WWC1: variants seen among roughly 807,000 people sequenced by gnomAD.
WWC1 encodes WW and C2 domain containing 1.
Under a neutral mutation model 138.4 loss-of-function variants are expected in WWC1, and 55 were observed. The observed-to-expected ratio is 0.40, with a 90% confidence interval of 0.32 to 0.50. WWC1 has a LOEUF of 0.50. Ranked by LOEUF, WWC1 falls within the 20% of genes least tolerant of loss-of-function variation. The probability of loss-of-function intolerance (pLI) is 0.72; values close to 1 mark genes in which losing one functional copy is unlikely to be tolerated. For missense variants in WWC1, 1,226 were observed against 1,420.4 expected (o/e 0.86, Z 2.20); for synonymous variants, 524 against 564.9 (o/e 0.93, Z 1.03).
intron 17 of WWC1, among the ~76,000 whole-genome samples, chr5:168,445,545 A>T (rs1200792219): frequency 6.6e-6 from 1 of 151,882 alleles, no homozygotes; most frequent in African/African-American, 2.4e-5. Context: ...ACTAAAAAAT[A>T]CAAAAATTAG....
intron 2 of WWC1, among the ~76,000 whole-genome samples, chr5:168,380,923 T>G (rs530778130): frequency 6.6e-6 from 1 of 152,150 alleles, no homozygotes; most frequent in South Asian, 2.1e-4. Context: ...TCCATGCATG[T>G]GAAGTTCTAA....
intron 16 of WWC1, 63 bp from the exon 17 acceptor site, chr5:168,444,431 T>C (rs1220895205): frequency 1.3e-6 from 2 of 1,488,764 alleles, no homozygotes; most frequent in East Asian, 2.5e-5. Flanking sequence ...GATGCTCTGA[T>C]TCCTGGCAGG....
chr5:168,393,499 C>G (rs1192558831), intron 3 of WWC1, among the ~76,000 whole-genome samples: 2 of 152,138 alleles, frequency 1.3e-5, no homozygotes, highest in Non-Finnish European at 2.9e-5. Flanking sequence ...TATTTCTGAC[C>G]TAGAATTCTA....
At chr5:168,464,669 G>C (rs747601797) in intron 20 of WWC1, 60 bp from the exon 21 acceptor site, 19 of 1,602,370 alleles carry the variant, frequency 1.2e-5, no homozygotes, top group Non-Finnish European at 1.4e-5. Flanking sequence ...AGAGGAAGAG[G>C]CTGGGTGGGC....
intron 6 of WWC1, among the ~76,000 whole-genome samples, chr5:168,406,890 C>T (rs945387841): frequency 2.6e-5 from 4 of 151,914 alleles, no homozygotes; most frequent in African/African-American, 7.3e-5. Context: ...TGCAGTGAGC[C>T]GAGATAGCAC....
At chr5:168,407,837 C>T (rs1425078448) in intron 6 of WWC1, among the ~76,000 whole-genome samples, 1 of 151,742 alleles carries the variant, frequency 6.6e-6, no homozygotes, top group Non-Finnish European at 1.5e-5. Context: ...AGATGATGGC[C>T]CTGTGAGATA....
rs576096126 is a variant in WWC1, at chr5:168,334,750, A to G, written c.120-36674A>G. On this transcript the variant is annotated intron_variant, in intron 1 of 22. Coordinates refer to ENST00000265293, the MANE Select transcript of WWC1 (RefSeq NM_015238.3). ...ATATTTTGGGCAACTGAATGAATCA[A>G]TGACTCTCCTGCTAAGCAGCAATGC... 7.2e-5 allele frequency among the ~76,000 whole-genome samples: 11 copies of G among 152,348 alleles called. No homozygotes were observed. The East Asian group carries it at 1.7e-3, about 24-fold the overall frequency.
chr5:168,304,845 T>TGA (rs1770406231), intron 1 of WWC1, among the ~76,000 whole-genome samples: 2 of 150,852 alleles, frequency 1.3e-5, no homozygotes, highest in Non-Finnish European at 2.9e-5. Flanking sequence ...TTTTTTTTTT[T>TGA]GAGGTGGAGT....
intron 4 of WWC1, 95 bp downstream of exon 4, chr5:168,397,895 C>T: frequency 1.5e-6 from 2 of 1,374,018 alleles, no homozygotes; most frequent in South Asian, 1.2e-5. Flanking sequence ...GATGCTCCAG[C>T]CAGGCTATGA....
At chr5:168,396,866 C>T (rs145004933) in intron 3 of WWC1, among the ~76,000 whole-genome samples, 30 of 152,096 alleles carry the variant, frequency 2.0e-4, no homozygotes, top group African/African-American at 5.8e-4. Flanking sequence ...CCTAGGAAAA[C>T]GATAATTGTA....
rs534624539 is a variant in WWC1, at chr5:168,325,382, G to A, written c.119+33111G>A. ...GTGGATGGCATCATTGTCAGTCTCT[G>A]GGAACTCTGGGTGTCCTAGGACACA... On this transcript the variant is annotated intron_variant, in intron 1 of 22. Coordinates refer to ENST00000265293, the MANE Select transcript of WWC1 (RefSeq NM_015238.3). Among the ~76,000 whole-genome samples the A allele has an allele frequency of 4.8e-4, 73 of 152,310 alleles. 1 individual carries two copies. The South Asian group carries it at 0.015, about 31-fold the overall frequency.
chr5:168,438,680 G>T (rs1179394375), intron 15 of WWC1, among the ~76,000 whole-genome samples: 1 of 152,066 alleles, frequency 6.6e-6, no homozygotes, highest in African/African-American at 2.4e-5. Context: ...TTAGGGGAAG[G>T]TGAGCTGACC....
intron 1 of WWC1, among the ~76,000 whole-genome samples, chr5:168,370,725 T>C (rs761589485): frequency 9.9e-5 from 15 of 152,204 alleles, no homozygotes; most frequent in Non-Finnish European, 2.1e-4. Context: ...GAGTGATTTG[T>C]TTATTTGATT....
At chr5:168,425,748 C>G (rs1781456646) in intron 11 of WWC1, among the ~76,000 whole-genome samples, 2 of 152,080 alleles carry the variant, frequency 1.3e-5, no homozygotes, top group Non-Finnish European at 2.9e-5. Context: ...ATCCACCCAC[C>G]TTGGCCTCCC....
rs569807309 is a variant in WWC1 at position 168,359,367 on chromosome 5, G to GT, written c.120-12051dup. On this transcript the variant is annotated intron_variant, in intron 1 of 22. Transcript: ENST00000265293. ...CCACGTCTGGCCTATACACTATAGA[G>GT]TTTTTTACCTAATATGTGTCTGAAA... Among the ~76,000 whole-genome samples, 31 of 152,276 alleles carry GT rather than the reference G, an allele frequency of 2.0e-4. No individual in the cohort carries two copies. In the South Asian group the frequency reaches 5.8e-3, roughly 28 times the overall value.
At chr5:168,330,486 G>A (rs906833615) in intron 1 of WWC1, among the ~76,000 whole-genome samples, 1 of 152,142 alleles carries the variant, frequency 6.6e-6, no homozygotes, top group African/African-American at 2.4e-5. Context: ...TAATTGGCTC[G>A]TGTTTTCTCA....
intron 1 of WWC1, among the ~76,000 whole-genome samples, chr5:168,320,034 C>CTTT (rs199986266): frequency 7.1e-6 from 1 of 140,622 alleles, no homozygotes. Context: ...TATATATACA[C>CTTT]TTTTTTTTTT....
At chr5:168,356,317 C>T (rs962078542) in intron 1 of WWC1, among the ~76,000 whole-genome samples, 1 of 152,252 alleles carries the variant, frequency 6.6e-6, no homozygotes, top group African/African-American at 2.4e-5. Flanking sequence ...CCGATGCGGC[C>T]GGAGGCCCAT....
intron 7 of WWC1, 128 bp from the exon 8 acceptor site, chr5:168,409,794 C>A: frequency 1.1e-6 from 1 of 906,480 alleles, no homozygotes; most frequent in Non-Finnish European, 1.8e-6. Context: ...GCACCGCCAG[C>A]CCAGTCACCG....
Sources: allele counts gnomAD v4.1 joint callset (sites outside exome capture counted in the v4.1 genomes callset), GRCh38; gene constraint gnomAD v4.1.1; transcripts MANE v1.5; gene names NCBI Gene and HGNC (gene_info 2026-07-23, HGNC 2026-07-21).